The following SP140 variants were observed in gnomAD, a reference collection of about 807,000 sequenced individuals.
The protein encoded by SP140 is SP140 nuclear body protein.
In SP140, 81 loss-of-function variants were observed where a neutral mutation model predicts 125.0. The ratio of observed to expected loss-of-function variants is 0.65; its 90% CI spans 0.54 to 0.78. The LOEUF is 0.78. Among genes scored for constraint, SP140 ranks in the 30% least tolerant of loss-of-function variants. SP140 has a pLI of 0.00. For missense variants in SP140, 858 were observed against 1,037.0 expected (o/e 0.83, Z 2.37); for synonymous variants, 312 against 354.0 (o/e 0.88, Z 1.33).
At chr2:230,243,646 T>C in intron 4 of SP140, 85 bp from the exon 5 acceptor site, 3 of 1,098,900 alleles carry the variant, frequency 2.7e-6, no homozygotes, top group Admixed American at 3.6e-5. Context: ...CAGGTTTTCT[T>C]AGTTTTCTCA....
chr2:230,300,134 C>T (rs1459780116), intron 22 of SP140, among the ~76,000 whole-genome samples: 1 of 152,152 alleles, frequency 6.6e-6, no homozygotes, highest in African/African-American at 2.4e-5. Context: ...CTTGTATCCC[C>T]CTCATATTAC....
At position 230,284,379 on chromosome 2, in the gene SP140, G is replaced by C. The variant is rs370248892; in HGVS notation, c.1532G>C (p.Arg511Thr). 8.5e-5 allele frequency: 137 copies of C among 1,608,722 alleles called. No individual in the cohort carries two copies. The highest frequency in any genetic ancestry group is 2.2e-4 in the Admixed American group (13 of 58,950). ...AGGGGGCATGGCTGGAGCAGAATGA[G>C]AATGAGAAGGCAGGAAAACAGCCAA... ...KKRGHGWSRM[R>T]MRRQENSQQN... Residue 511 changes from arginine to threonine, a missense_variant, in exon 16 of 27, where the codon AGA becomes ACA. This residue lies in a region of SP140 where 791 missense variants were observed against 869.5 expected (regional missense o/e 0.91). Transcript: ENST00000392045.
At position 230,211,413 on chromosome 2, in the gene SP140, CCT is replaced by C; in HGVS notation, c.-322-2238_-322-2237del. On this transcript the variant is annotated intron_variant, in intron 1 of 4. Transcript: ENST00000456542. This position sits in a 1 kb window ranked among gnomAD's most constrained non-coding sequence, Gnocchi z 4.2. ...TCTCTAGAAGATCCGAATGGCTTTT[CCT>C]CTTAGTAAACACAGAAACAAAGGCA... The C allele has an allele frequency of 9.0e-7, 1 of 1,108,920 alleles. No individual in the cohort carries two copies. The highest frequency in any genetic ancestry group is 1.4e-6 in the Non-Finnish European group (1 of 719,086). 68.7% of individuals were successfully genotyped at this position (1,108,920 alleles called of 1,614,324 possible).
At chr2:230,286,476 T>A (rs374517244) in intron 17 of SP140, among the ~76,000 whole-genome samples, 32 of 152,268 alleles carry the variant, frequency 2.1e-4, no homozygotes, top group African/African-American at 3.4e-4. Context: ...ATGGGTGAGA[T>A]CAGAGTGTGG....
chr2:230,233,983 T>A (rs1003190114), intron 1 of SP140, among the ~76,000 whole-genome samples: 14 of 152,230 alleles, frequency 9.2e-5, no homozygotes, highest in African/African-American at 3.4e-4. Flanking sequence ...TAACCCCACT[T>A]TGAGAATTAC....
intron 21 of SP140, 61 bp from the exon 22 acceptor site, chr2:230,297,360 A>T (rs1043079140): frequency 7.1e-6 from 11 of 1,557,748 alleles, no homozygotes; most frequent in Non-Finnish European, 8.8e-6. Flanking sequence ...AAATTTAAAT[A>T]AGTGATAGAT....
chr2:230,290,204 G>A (rs1240104428), intron 18 of SP140, among the ~76,000 whole-genome samples: 1 of 152,166 alleles, frequency 6.6e-6, no homozygotes, highest in East Asian at 1.9e-4. Context: ...GAGATTAGGA[G>A]TTAAACCAGT....
chr2:230,264,832 T>C (rs1261129392), intron 12 of SP140, among the ~76,000 whole-genome samples: 1 of 152,184 alleles, frequency 6.6e-6, no homozygotes, highest in South Asian at 2.1e-4. Flanking sequence ...GAACCATCTA[T>C]GGGTCTCTCA....
At position 230,237,825 on chromosome 2, in the gene SP140, A is replaced by G. The variant is rs796443413; in HGVS notation, c.238-388A>G. 2.9e-4 allele frequency among the ~76,000 whole-genome samples: 27 copies of G among 93,288 alleles called. No individual in the cohort carries two copies. Among genetic ancestry groups the G allele is most frequent in the African/African-American group, 1.0e-3 (23 of 23,042 alleles). The allele number at this position is 93,288 out of a possible 152,430, so 61.2% of individuals were successfully genotyped here. A position where few individuals can be genotyped will look rare whatever the true frequency, so the allele number is the denominator to read the frequency against. On this transcript the variant is annotated intron_variant, in intron 2 of 26. Transcript: ENST00000392045. This position sits in a 1 kb window ranked among gnomAD's most constrained non-coding sequence, Gnocchi z 5.4. ...GAATTTTCTGTGCCCTTTGGCCAGG[A>G]GTCATAGTGGGGGCTGGTTGATTGG...
upstream of SP140, chr2:230,225,533 A>G: frequency 2.3e-6 from 1 of 434,702 alleles, no homozygotes; most frequent in Non-Finnish European, 4.3e-6. Context: ...ATGCCACCTT[A>G]CCTCAAAACA....
intron 22 of SP140, among the ~76,000 whole-genome samples, chr2:230,307,992 C>CATATACAT (rs33922249): frequency 4.1e-5 from 2 of 49,068 alleles, no homozygotes; most frequent in Non-Finnish European, 4.0e-5. Context: ...TATATATATA[C>CATATACAT]ACACACACAC....
chr2:230,245,911 T>C lies in SP140; in HGVS notation c.713T>C (p.Met238Thr), dbSNP rs775774157. 2 of 1,605,806 alleles carry C rather than the reference T, an allele frequency of 1.2e-6. No homozygotes were observed. The highest frequency in any genetic ancestry group is 8.5e-7 in the Non-Finnish European group (1 of 1,172,490). Residue 238 changes from methionine to threonine, a missense_variant, in exon 7 of 27, where the codon ATG becomes ACG. By Grantham distance (81) the Met-to-Thr change is moderately conservative. Transcript: ENST00000392045. ...IQIDEGESEE[M>T]PKLLPYDTEV... ...ATAGATGAAGGAGAATCAGAAGAAA[T>C]GCCCAAGTTACTGCCTTATGATACA...
intron 26 of SP140, 112 bp from the exon 27 acceptor site, chr2:230,312,474 G>A (rs2059406455): frequency 4.5e-6 from 3 of 663,794 alleles, no homozygotes; most frequent in Non-Finnish European, 5.1e-6. Context: ...ATAAATTGTA[G>A]ACTTACAGTA....
chr2:230,284,728 G>T (rs947853370), intron 16 of SP140, among the ~76,000 whole-genome samples: 1 of 152,040 alleles, frequency 6.6e-6, no homozygotes, highest in African/African-American at 2.4e-5. Context: ...AAGAAATCAG[G>T]GTGTATGTGT....
the SP140 span, among the ~76,000 whole-genome samples, chr2:230,196,853 C>T: frequency 2.6e-5 from 4 of 152,160 alleles, no homozygotes; most frequent in African/African-American, 9.7e-5. Context: ...TCATCCATGT[C>T]CCTACAAAGG....
In SP140 at chr2:230,211,615, G is replaced by T; in HGVS notation, c.-322-2039G>T. 1 of 992,548 alleles carries T rather than the reference G, an allele frequency of 1.0e-6. No homozygotes were observed. The highest frequency in any genetic ancestry group is 1.6e-6 in the Non-Finnish European group (1 of 613,474). 61.5% of individuals were successfully genotyped at this position (992,548 alleles called of 1,614,324 possible). A position where few individuals can be genotyped will look rare whatever the true frequency, so the allele number is the denominator to read the frequency against. On this transcript the variant is annotated intron_variant, in intron 1 of 4. Transcript: ENST00000456542. The surrounding 1 kb of genome is among the most constrained non-coding windows in gnomAD (Gnocchi z 4.2). ...CAGCAAGCAGGGACCAGAATGAGGA[G>T]AAAAGAGAATGCTCTATTCCAACAA...
rs552809646 is a variant in SP140, at chr2:230,248,099, G to C, written c.892+34G>C. The C allele has an allele frequency of 8.1e-6, 13 of 1,605,532 alleles. No individual in the cohort carries two copies. In the African/African-American group the frequency reaches 1.2e-4, roughly 15 times the overall value. On this transcript the variant is annotated intron_variant, in intron 8 of 26. Transcript: ENST00000392045. The stretch of plus-strand genomic sequence containing the variant: ...AGAAGAAGCAGAGACATGTGTCAAG[G>C]GTGAAAATGAGAGTGCCAACATGGG...
upstream of SP140, among the ~76,000 whole-genome samples, chr2:230,202,135 A>C (rs535731193): frequency 6.6e-6 from 1 of 152,314 alleles, no homozygotes; most frequent in African/African-American, 2.4e-5. Flanking sequence ...GTTTTAGAAA[A>C]TATATTTACT....
intron 12 of SP140, among the ~76,000 whole-genome samples, chr2:230,261,331 A>T (rs2052200564): frequency 6.6e-6 from 1 of 152,122 alleles, no homozygotes. Context: ...GAATTCTTTT[A>T]TCAGTTCTAG....
Sources: allele counts gnomAD v4.1 joint callset (sites outside exome capture counted in the v4.1 genomes callset), GRCh38; gene constraint gnomAD v4.1.1; regional missense constraint gnomAD v4.1.1; non-coding constraint Gnocchi (gnomAD v3.1); transcripts MANE v1.5; gene names NCBI Gene and HGNC (gene_info 2026-07-23, HGNC 2026-07-21).